The following SNTG1 variants were observed in gnomAD, a reference collection of about 807,000 sequenced individuals.
SNTG1 encodes gamma-1-syntrophin.
A neutral mutation model predicts 74.7 loss-of-function variants in SNTG1; 39 were observed. The observed-to-expected ratio is 0.52, with a 90% CI of 0.40 to 0.68. The LOEUF (loss-of-function observed/expected upper bound fraction) is 0.68, where lower values mean the gene tolerates loss of function less well. Ranked by LOEUF, SNTG1 falls within the 30% of genes least tolerant of loss-of-function variation. SNTG1 has a pLI of 0.00. For synonymous variants in SNTG1, 254 were observed against 217.1 expected, an observed-to-expected ratio of 1.17 and a Z score of -1.49; for missense variants, 685 against 609.5, an observed-to-expected ratio of 1.12 and a Z score of -1.30.
At chr8:50,472,174 T>C in intron 8 of SNTG1, among the ~76,000 whole-genome samples, 1 of 152,154 alleles carries the variant, frequency 6.6e-6, no homozygotes, top group Non-Finnish European at 1.5e-5. Context: ...GGTGTTTTTC[T>C]GAGAAATAGA....
At chr8:50,665,129 A>T (rs550312673) in intron 15 of SNTG1, among the ~76,000 whole-genome samples, 1 of 152,256 alleles carries the variant, frequency 6.6e-6, no homozygotes, top group East Asian at 1.9e-4. Context: ...AGTCACACTG[A>T]TATTCATCTA....
chr8:50,137,258 A>G (rs1012121022), intron 1 of SNTG1, among the ~76,000 whole-genome samples: 2 of 152,166 alleles, frequency 1.3e-5, no homozygotes, highest in African/African-American at 2.4e-5. Context: ...TGAGAAATTT[A>G]AAAGGGTGCA....
At chr8:50,077,818 A>C (rs1011153042) in intron 1 of SNTG1, among the ~76,000 whole-genome samples, 3 of 152,142 alleles carry the variant, frequency 2.0e-5, no homozygotes, top group African/African-American at 7.2e-5. Context: ...TTGTGTGTGT[A>C]AGCACATGTA....
chr8:50,619,066 A>C (rs942252186), intron 13 of SNTG1, among the ~76,000 whole-genome samples: 4 of 152,064 alleles, frequency 2.6e-5, no homozygotes, highest in African/African-American at 9.7e-5. Context: ...TTTATAAAAC[A>C]ATGTTTTGTT....
rs1563810423 is a variant in SNTG1, at chr8:50,259,523, AGAAAGAAAGAAAGAAAGAAAG to A, written c.-28+86889_-28+86909del. ...CAAAAAAAAAAAAAGAAAGAAAGAA[AGAAAGAAAGAAAGAAAGAAAG>A]AAAGAAAGAAAGAAAGAAAGAAAGA... On this transcript the variant is annotated intron_variant, in intron 2 of 18. Transcript: ENST00000642720. Among the ~76,000 whole-genome samples, 80 of 11,892 alleles carry A rather than the reference AGAAAGAAAGAAAGAAAGAAAG, an allele frequency of 6.7e-3. 14 individuals carry two copies. The highest frequency in any genetic ancestry group is 0.05 in the Middle Eastern group (1 of 20). 7.8% of individuals were successfully genotyped at this position (11,892 alleles called of 152,430 possible).
chr8:50,723,585 G>C (rs1177252900), intron 17 of SNTG1, among the ~76,000 whole-genome samples: 1 of 152,092 alleles, frequency 6.6e-6, no homozygotes, highest in Non-Finnish European at 1.5e-5. Context: ...TAACTACAGG[G>C]AAATGAAGTG....
intron 1 of SNTG1, among the ~76,000 whole-genome samples, chr8:49,983,906 G>C (rs1301388370): frequency 2.0e-5 from 3 of 152,350 alleles, no homozygotes; most frequent in South Asian, 2.1e-4. Context: ...GGGGGGTACT[G>C]TTATCCTGTG....
intron 9 of SNTG1, among the ~76,000 whole-genome samples, chr8:50,514,071 C>T (rs1045170422): frequency 6.6e-6 from 1 of 152,176 alleles, no homozygotes; most frequent in Admixed American, 6.6e-5. Context: ...TGCAATATTT[C>T]ACTTTTAATT....
chr8:50,179,608 A>T (rs1312831702), intron 2 of SNTG1, among the ~76,000 whole-genome samples: 4 of 152,216 alleles, frequency 2.6e-5, no homozygotes, highest in African/African-American at 7.2e-5. Context: ...TAATCTAATT[A>T]AAAAAGGGCA....
intron 2 of SNTG1, among the ~76,000 whole-genome samples, chr8:50,207,199 A>G (rs2084287072): frequency 6.6e-6 from 1 of 151,950 alleles, no homozygotes; most frequent in South Asian, 2.1e-4. Context: ...CTGGTCCTGG[A>G]CTTTTTTTGG....
intron 1 of SNTG1, among the ~76,000 whole-genome samples, chr8:50,132,973 C>T (rs1278657859): frequency 4.6e-5 from 7 of 152,122 alleles, no homozygotes; most frequent in South Asian, 2.1e-4. Context: ...TCCTTGACAC[C>T]GTCTCCAGGA....
rs1293755693 is a variant in SNTG1, at chr8:50,658,755, A to G, written c.1038+92A>G. ...AGCAGCTCATGAAAACAAATCATTC[A>G]TGGAATGAAAGAAGAGACACGATAA... On this transcript the variant is annotated intron_variant, in intron 15 of 18. Transcript: ENST00000642720. The G allele has an allele frequency of 5.1e-6, 4 of 777,522 alleles. No individual in the cohort carries two copies. The African/African-American group carries it at 5.3e-5, about 10-fold the overall frequency. The allele number at this position is 777,522 out of a possible 1,614,324, so 48.2% of individuals were successfully genotyped here. A position where few individuals can be genotyped will look rare whatever the true frequency, so the allele number is the denominator to read the frequency against.
intron 1 of SNTG1, among the ~76,000 whole-genome samples, chr8:50,037,810 C>T (rs781710575): frequency 4.6e-5 from 7 of 152,046 alleles, no homozygotes; most frequent in African/African-American, 9.7e-5. Flanking sequence ...ATGGTAAATA[C>T]GTAATAAATC....
At chr8:50,087,396 G>T (rs1304279807) in intron 1 of SNTG1, among the ~76,000 whole-genome samples, 1 of 152,116 alleles carries the variant, frequency 6.6e-6, no homozygotes, top group Non-Finnish European at 1.5e-5. Flanking sequence ...TCTTAGTCAT[G>T]TGGTTTACTA....
chr8:50,178,649 A>C (rs1206714663), intron 2 of SNTG1, among the ~76,000 whole-genome samples: 1 of 152,192 alleles, frequency 6.6e-6, no homozygotes, highest in Non-Finnish European at 1.5e-5. Flanking sequence ...TTGAACTTCC[A>C]GGTGTCCATG....
chr8:50,136,770 T>A (rs1255990190), intron 1 of SNTG1, among the ~76,000 whole-genome samples: 1 of 152,012 alleles, frequency 6.6e-6, no homozygotes, highest in Non-Finnish European at 1.5e-5. Flanking sequence ...GGACATCATG[T>A]GAAACAGACC....
chr8:50,424,424 TAC>T (rs1227536406), intron 4 of SNTG1, among the ~76,000 whole-genome samples: 4 of 152,224 alleles, frequency 2.6e-5, no homozygotes, highest in Non-Finnish European at 5.9e-5. Context: ...GCCACATATA[TAC>T]AGTTTCCACT....
At chr8:50,525,449 T>A (rs1366853806) in intron 9 of SNTG1, among the ~76,000 whole-genome samples, 4 of 152,180 alleles carry the variant, frequency 2.6e-5, no homozygotes. Context: ...TGAAAATTAT[T>A]TCTTTGAATA....
At chr8:50,714,590 C>T (rs1214023307) in intron 17 of SNTG1, among the ~76,000 whole-genome samples, 1 of 151,878 alleles carries the variant, frequency 6.6e-6, no homozygotes, top group Non-Finnish European at 1.5e-5. Flanking sequence ...CTATCACATT[C>T]CTGAGAAAAA....
Sources: allele counts gnomAD v4.1 joint callset (sites outside exome capture counted in the v4.1 genomes callset), GRCh38; gene constraint gnomAD v4.1.1; transcripts MANE v1.5; gene names NCBI Gene and HGNC (gene_info 2026-07-23, HGNC 2026-07-21).